Variants in RASSF4 observed in about 807,000 individuals in gnomAD.
RASSF4 encodes the protein ras association domain-containing protein 4.
RASSF4 carries 38 observed loss-of-function variants against 41.1 expected under a neutral mutation model. The ratio of observed to expected loss-of-function variants is 0.92; its 90% CI spans 0.71 to 1.21. RASSF4 has a LOEUF of 1.21. RASSF4 is among the 50% of genes most tolerant of loss of function. The pLI is 0.00. For synonymous variants in RASSF4, 179 were observed against 163.4 expected (o/e 1.10, Z -0.73); for missense variants, 414 against 419.4 (o/e 0.99, Z 0.11).
At chr10:44,973,970 T>C (rs1841288248) in intron 3 of RASSF4, among the ~76,000 whole-genome samples, 5 of 152,036 alleles carry the variant, frequency 3.3e-5, no homozygotes, top group Admixed American at 3.3e-4. Flanking sequence ...AGTCAGAAAG[T>C]ACCTTTCAGG....
intron 4 of RASSF4, chr10:44,983,285 T>C (rs1455693704): frequency 4.0e-6 from 1 of 249,180 alleles, no homozygotes; most frequent in South Asian, 4.4e-5. Flanking sequence ...AGATTTCATA[T>C]GAAACCCATG....
intron 3 of RASSF4, among the ~76,000 whole-genome samples, chr10:44,974,125 C>T (rs1328737645): frequency 6.6e-6 from 1 of 152,218 alleles, no homozygotes. Context: ...CCAAGCCCCT[C>T]CAGGTCTCAC....
intron 3 of RASSF4, among the ~76,000 whole-genome samples, chr10:44,974,676 C>T (rs1841325618): frequency 6.6e-6 from 1 of 152,148 alleles, no homozygotes; most frequent in Middle Eastern, 3.4e-3. Context: ...CTTAGCAGTA[C>T]GGTTTGGGGT....
intron 6 of RASSF4, among the ~76,000 whole-genome samples, chr10:44,986,026 A>T (rs962998721): frequency 6.6e-6 from 1 of 152,228 alleles, no homozygotes; most frequent in Non-Finnish European, 1.5e-5. Context: ...GTATTCTTTA[A>T]ATCTTGTTCC....
chr10:44,977,323 C>G (rs1449636387), intron 3 of RASSF4: 2 of 1,497,282 alleles, frequency 1.3e-6, no homozygotes, highest in Non-Finnish European at 1.8e-6. Flanking sequence ...GGGCAGTGAC[C>G]ACCATGGAGG....
chr10:44,980,884 C>T (rs193177855), intron 3 of RASSF4: 303 of 152,302 alleles, frequency 2.0e-3, no homozygotes, highest in African/African-American at 7.0e-3. Flanking sequence ...CTGGCCTCTC[C>T]TTCATAGGAA....
chr10:44,967,971 G>A (rs140537269), intron 1 of RASSF4, among the ~76,000 whole-genome samples: 1 of 152,288 alleles, frequency 6.6e-6, no homozygotes, highest in East Asian at 1.9e-4. Context: ...ACAGAGAACA[G>A]CACTACAAAA....
intron 8 of RASSF4, among the ~76,000 whole-genome samples, 155 bp downstream of exon 8, chr10:44,989,876 A>C (rs1842048255): frequency 6.6e-6 from 1 of 152,244 alleles, no homozygotes; most frequent in Admixed American, 6.5e-5. Flanking sequence ...CCCAGCATGA[A>C]CATTTCTCCC....
intron 1 of RASSF4, among the ~76,000 whole-genome samples, chr10:44,966,332 G>A (rs1013428809): frequency 2.0e-5 from 3 of 152,130 alleles, no homozygotes; most frequent in Non-Finnish European, 2.9e-5. Context: ...ATAGGAGACC[G>A]GAAGTAAATG....
At chr10:44,989,608 C>A in intron 7 of RASSF4, 62 bp from the exon 8 acceptor site, 3 of 1,471,102 alleles carry the variant, frequency 2.0e-6, no homozygotes, top group Non-Finnish European at 2.9e-6. Context: ...TGTCAGGGGA[C>A]CCTCTCAGTT....
At chr10:44,977,960 A>G in intron 3 of RASSF4, 2 of 1,612,144 alleles carry the variant, frequency 1.2e-6, no homozygotes, top group South Asian at 2.2e-5. Context: ...AGGACCCCCA[A>G]GCAGCATCTC....
Position 44,991,054 on chromosome 10 carries a change from G to A in RASSF4, c.792G>A (p.Val264=), listed in dbSNP as rs1313249138. Residue 264 remains valine, a synonymous_variant, in exon 9 of 11, where the codon GTG becomes GTA. Transcript: ENST00000340258. ...RIFLMEADLG[V]EVPHEVAQYI... ...TCCTGATGGAAGCTGACTTGGGCGT[G>A]GAAGTCCCCCATGAAGTGAGTGGGG... is the stretch of plus-strand genomic sequence containing the variant. 6.2e-7 allele frequency: 1 copy of A among 1,613,314 alleles called. No individual in the cohort carries two copies. The highest frequency in any genetic ancestry group is 1.7e-5 in the Admixed American group (1 of 59,988).
At chr10:44,968,777 G>C (rs993470709) in intron 1 of RASSF4, among the ~76,000 whole-genome samples, 3 of 152,220 alleles carry the variant, frequency 2.0e-5, no homozygotes, top group African/African-American at 7.2e-5. Flanking sequence ...ACTCAGGTCG[G>C]GAAGACATGA....
intron 1 of RASSF4, among the ~76,000 whole-genome samples, chr10:44,961,019 G>A (rs1173414900): frequency 6.6e-6 from 1 of 152,180 alleles, no homozygotes; most frequent in Non-Finnish European, 1.5e-5. Context: ...GAGAAGACAG[G>A]AAGGGAGAGG....
chr10:44,980,828 G>A (rs1185663404), intron 3 of RASSF4: 1 of 152,202 alleles, frequency 6.6e-6, no homozygotes, highest in African/African-American at 2.4e-5. Context: ...AGACCAAGAG[G>A]CAAGAACAGA....
chr10:44,977,264 C>T, intron 3 of RASSF4: 1 of 1,279,240 alleles, frequency 7.8e-7, no homozygotes, highest in African/African-American at 1.5e-5. Context: ...GTGAACTGCC[C>T]AAGCAGGGGC....
chr10:44,990,838 C>A, intron 8 of RASSF4, 110 bp from the exon 9 acceptor site: 1 of 1,163,348 alleles, frequency 8.6e-7, no homozygotes, highest in Non-Finnish European at 1.2e-6. Context: ...GGTCTGTGTT[C>A]TTAGGGTTCC....
At position 44,993,224 on chromosome 10, in the gene RASSF4, C is replaced by T. The variant is rs770176856; in HGVS notation, c.906-45C>T. The T allele has an allele frequency of 3.2e-6, 5 of 1,577,616 alleles. No homozygotes were observed. The Admixed American group carries it at 8.4e-5, about 26-fold the overall frequency. On this transcript the variant is annotated intron_variant, in intron 10 of 10. Coordinates refer to ENST00000340258, the MANE Select transcript of RASSF4 (RefSeq NM_032023.4). Reference sequence around the variant, plus strand: ...CCTTGCTCTGCTGCCCACCTCCCTGCCCTGTCTGGCCTCAGTGAGTCCTCT... The same window carrying T: ...CCTTGCTCTGCTGCCCACCTCCCTGTCCTGTCTGGCCTCAGTGAGTCCTCT...
At chr10:44,979,962 C>T (rs1167113108) in intron 3 of RASSF4, among the ~76,000 whole-genome samples, 1 of 152,084 alleles carries the variant, frequency 6.6e-6, no homozygotes, top group Non-Finnish European at 1.5e-5. Flanking sequence ...AAGGAGGCTG[C>T]CAAGGATGAG....
Sources: gnomAD v4.1 joint callset for allele counts (sites outside exome capture counted in the v4.1 genomes callset) on GRCh38, gnomAD v4.1.1 for gene constraint, MANE v1.5 for transcripts, NCBI Gene and HGNC (gene_info 2026-07-23, HGNC 2026-07-21) for gene names.